Variants in RIC8B observed in about 807,000 individuals in gnomAD.
RIC8B encodes RIC8 guanine nucleotide exchange factor B, also known as chaperone Ric-8B.
A neutral mutation model predicts 57.5 loss-of-function variants in RIC8B; 16 were observed. The observed-to-expected ratio is 0.28, with a 90% CI of 0.19 to 0.42. The LOEUF is 0.42. RIC8B is among the 10% of genes least tolerant of loss of function. The pLI is 1.00. For synonymous variants in RIC8B, 216 were observed against 250.8 expected (o/e 0.86, Z 1.31); for missense variants, 481 against 677.0 (o/e 0.71, Z 3.21).
At chr12:106,828,338 A>G (rs2046204025) in intron 4 of RIC8B, among the ~76,000 whole-genome samples, 1 of 152,210 alleles carries the variant, frequency 6.6e-6, no homozygotes, top group South Asian at 2.1e-4. Context: ...TTTAAATTCA[A>G]TGAAAATGGC....
intron 1 of RIC8B, among the ~76,000 whole-genome samples, chr12:106,779,674 A>C (rs12304089): frequency 7.5e-4 from 106 of 141,756 alleles, no homozygotes; most frequent in Non-Finnish European, 9.4e-4. Context: ...GACACACACA[A>C]AAAAAAATTT....
chr12:106,846,036 A>G (rs190553537), intron 6 of RIC8B, among the ~76,000 whole-genome samples: 10 of 152,260 alleles, frequency 6.6e-5, no homozygotes, highest in East Asian at 1.9e-4. Context: ...AGGCAATACT[A>G]TCTTGTCTCT....
At chr12:106,785,088 T>G (rs1257619377) in intron 2 of RIC8B, among the ~76,000 whole-genome samples, 1 of 152,240 alleles carries the variant, frequency 6.6e-6, no homozygotes, top group Non-Finnish European at 1.5e-5. Flanking sequence ...TTGACTTTCT[T>G]TACCTACAGA....
Position 106,860,420 on chromosome 12 carries a change from A to G in RIC8B, c.1451+8A>G, listed in dbSNP as rs1949882103. On this transcript the variant is annotated splice_region_variant and intron_variant, in intron 8 of 9. Transcript: ENST00000392837. ...CAAAAATGCAAAACCAAAGTATAGTATCAAATTTCTTTTCACCTAACTATG... is the reference window on the plus strand; with the variant it reads ...CAAAAATGCAAAACCAAAGTATAGTGTCAAATTTCTTTTCACCTAACTATG... 4 of 1,529,260 alleles carry G rather than the reference A, an allele frequency of 2.6e-6. No homozygotes were observed. Among genetic ancestry groups the G allele is most frequent in the South Asian group, 1.3e-5 (1 of 78,948 alleles). The allele number at this position is 1,529,260 out of a possible 1,614,324, so 94.7% of individuals were successfully genotyped here.
At chr12:106,800,268 G>T (rs1363858258) in intron 2 of RIC8B, among the ~76,000 whole-genome samples, 1 of 152,172 alleles carries the variant, frequency 6.6e-6, no homozygotes, top group African/African-American at 2.4e-5. Flanking sequence ...AAGCAAGGCA[G>T]CATCTTTCCG....
At chr12:106,812,298 C>T (rs1188059311) in intron 2 of RIC8B, among the ~76,000 whole-genome samples, 3 of 152,096 alleles carry the variant, frequency 2.0e-5, no homozygotes, top group African/African-American at 7.2e-5. Context: ...TTTGTAGGCA[C>T]CTTTAATCTC....
chr12:106,880,395 C>T (rs980810164), intron 9 of RIC8B, among the ~76,000 whole-genome samples: 1 of 152,104 alleles, frequency 6.6e-6, no homozygotes, highest in Non-Finnish European at 1.5e-5. Flanking sequence ...CACTTAGCCT[C>T]TTGAAATTAG....
chr12:106,855,469 A>G (rs1949681126), intron 7 of RIC8B, among the ~76,000 whole-genome samples: 1 of 152,140 alleles, frequency 6.6e-6, no homozygotes, highest in South Asian at 2.1e-4. Context: ...CAGGCTTTCC[A>G]TAACCATTCA....
At chr12:106,844,784 A>G (rs1949112057) in intron 6 of RIC8B, among the ~76,000 whole-genome samples, 1 of 152,212 alleles carries the variant, frequency 6.6e-6, no homozygotes, top group African/African-American at 2.4e-5. Flanking sequence ...ATATTTTAAT[A>G]TGTCTTAAAA....
At chr12:106,875,676 A>T (rs1308544058) in intron 9 of RIC8B, among the ~76,000 whole-genome samples, 1 of 152,122 alleles carries the variant, frequency 6.6e-6, no homozygotes, top group Non-Finnish European at 1.5e-5. Flanking sequence ...CTTTTTACTT[A>T]TATATTCTGC....
At position 106,798,214 on chromosome 12, in the gene RIC8B, G is replaced by A. The variant is rs1030250534; in HGVS notation, c.132+14170G>A. On this transcript the variant is annotated intron_variant, in intron 2 of 9. Coordinates refer to ENST00000392837, the MANE Select transcript of RIC8B (RefSeq NM_001330145.2). ...TAAGGTTTCCTTTTCTCGGTAGCTG[G>A]CTTTTTTCTTCCTTTCAAATTTTGA... is the stretch of plus-strand genomic sequence containing the variant. The A allele has an allele frequency of 8.1e-6, 4 of 494,156 alleles. No individual in the cohort carries two copies. In the Admixed American group the frequency reaches 1.2e-4, roughly 14 times the overall value. 30.6% of individuals were successfully genotyped at this position (494,156 alleles called of 1,614,324 possible).
chr12:106,854,526 C>G (rs989319357), intron 7 of RIC8B, among the ~76,000 whole-genome samples: 4 of 152,232 alleles, frequency 2.6e-5, no homozygotes, highest in African/African-American at 9.6e-5. Flanking sequence ...GGCGCGGTGG[C>G]TCATGCCTGT....
intron 7 of RIC8B, among the ~76,000 whole-genome samples, chr12:106,855,720 T>G (rs1312984692): frequency 1.3e-5 from 2 of 152,168 alleles, no homozygotes; most frequent in Admixed American, 6.5e-5. Context: ...TGGTGTTCCC[T>G]AAAGTAATCT....
chr12:106,880,203 G>A (rs1950859665), intron 9 of RIC8B, among the ~76,000 whole-genome samples: 1 of 151,984 alleles, frequency 6.6e-6, no homozygotes, highest in African/African-American at 2.4e-5. Flanking sequence ...ATCATATGCT[G>A]GTAGTCTTGC....
chr12:106,817,009 C>A (rs1053159910), intron 3 of RIC8B, among the ~76,000 whole-genome samples: 3 of 152,082 alleles, frequency 2.0e-5, no homozygotes, highest in African/African-American at 7.2e-5. Flanking sequence ...TGACTCTGGG[C>A]TATTATTGAA....
intron 2 of RIC8B, among the ~76,000 whole-genome samples, chr12:106,793,925 C>CGGGGTG (rs1566044435): frequency 1.9e-4 from 1 of 5,216 alleles, no homozygotes; most frequent in Admixed American, 2.9e-3. Flanking sequence ...TTTCCATGGG[C>CGGGGTG]GGGGTGGGGG....
intron 9 of RIC8B, among the ~76,000 whole-genome samples, chr12:106,875,581 A>G (rs1950623358): frequency 6.6e-6 from 1 of 152,118 alleles, no homozygotes; most frequent in Non-Finnish European, 1.5e-5. Context: ...GACTTCTCTA[A>G]TCCCCTTTAG....
At chr12:106,861,617 C>T (rs962484952) in intron 8 of RIC8B, among the ~76,000 whole-genome samples, 1 of 152,094 alleles carries the variant, frequency 6.6e-6, no homozygotes, top group Non-Finnish European at 1.5e-5. Flanking sequence ...AATTGGCTAT[C>T]TCTGACAAGT....
chr12:106,843,150 T>A (rs1045705072), intron 5 of RIC8B, among the ~76,000 whole-genome samples: 1 of 152,182 alleles, frequency 6.6e-6, no homozygotes, highest in African/African-American at 2.4e-5. Flanking sequence ...AAAAACTTGC[T>A]AAATACTCTT....
Sources: gnomAD v4.1 joint callset for allele counts (sites outside exome capture counted in the v4.1 genomes callset) on GRCh38, gnomAD v4.1.1 for gene constraint, MANE v1.5 for transcripts, NCBI Gene and HGNC (gene_info 2026-07-23, HGNC 2026-07-21) for gene names.